SORBS2: variants seen among roughly 807,000 people sequenced by gnomAD.
SORBS2 encodes the protein sorbin and SH3 domain containing 2.
A neutral mutation model predicts 97.7 loss-of-function variants in SORBS2; 46 were observed. That is an observed-to-expected ratio of 0.47 (90% CI 0.37 to 0.60). SORBS2 has a LOEUF of 0.60. Ranked by LOEUF, SORBS2 falls within the 20% of genes least tolerant of loss-of-function variation. The pLI is 0.00. For missense variants in SORBS2, 1,316 were observed against 1,282.3 expected, an observed-to-expected ratio of 1.03 and a Z score of -0.40; for synonymous variants, 476 against 473.4, an observed-to-expected ratio of 1.01 and a Z score of -0.07.
At chr4:185,901,204 A>T (rs2099247557) in intron 1 of SORBS2, among the ~76,000 whole-genome samples, 2 of 148,268 alleles carry the variant, frequency 1.3e-5, no homozygotes, top group South Asian at 2.1e-4. Flanking sequence ...TTGAAGAAGA[A>T]TTTTTTTTTT....
At chr4:185,730,310 C>CTTTTT (rs67749971) in intron 2 of SORBS2, among the ~76,000 whole-genome samples, 2 of 125,284 alleles carry the variant, frequency 1.6e-5, no homozygotes, top group African/African-American at 6.1e-5. Flanking sequence ...AATATACTTT[C>CTTTTT]TTTTTTTTTT....
At chr4:185,585,701 G>A (rs1206969832) in exon 15 of SORBS2, 1 of 152,200 alleles carries the variant, frequency 6.6e-6, no homozygotes, top group Non-Finnish European at 1.5e-5. Flanking sequence ...AGATATTGAA[G>A]TCTTTTCTCA....
At chr4:185,609,485 G>A (rs966775062) in intron 12 of SORBS2, among the ~76,000 whole-genome samples, 3 of 152,160 alleles carry the variant, frequency 2.0e-5, no homozygotes, top group African/African-American at 7.2e-5. Flanking sequence ...ATACATGTCA[G>A]CAGGTTAAAC....
chr4:185,726,912 C>T (rs1020761225), intron 2 of SORBS2, among the ~76,000 whole-genome samples: 2 of 152,112 alleles, frequency 1.3e-5, no homozygotes, highest in African/African-American at 4.8e-5. Flanking sequence ...ATAGGAGACA[C>T]ATTTCTGGAA....
chr4:185,652,268 T>G (rs1257568435), intron 2 of SORBS2, among the ~76,000 whole-genome samples: 5 of 152,208 alleles, frequency 3.3e-5, no homozygotes, highest in African/African-American at 1.2e-4. Context: ...TACTAAGTGC[T>G]TTAGTGGTCT....
intron 1 of SORBS2, among the ~76,000 whole-genome samples, chr4:185,847,960 G>T (rs974812135): frequency 6.6e-6 from 1 of 152,146 alleles, no homozygotes; most frequent in African/African-American, 2.4e-5. Flanking sequence ...ATGCCGAGTC[G>T]CAGGGCTGAC....
intron 1 of SORBS2, among the ~76,000 whole-genome samples, chr4:185,954,931 A>C (rs1374990299): frequency 6.6e-6 from 1 of 152,228 alleles, no homozygotes; most frequent in Non-Finnish European, 1.5e-5. Context: ...CAGCCTGGCC[A>C]ACATGAGTAA....
intron 1 of SORBS2, among the ~76,000 whole-genome samples, chr4:185,800,174 G>T (rs2099123434): frequency 1.3e-5 from 2 of 152,116 alleles, no homozygotes; most frequent in Non-Finnish European, 2.9e-5. Flanking sequence ...CAGCCTGGAT[G>T]ACAGAGCAAG....
intron 1 of SORBS2, among the ~76,000 whole-genome samples, chr4:185,792,218 G>A (rs566254596): frequency 8.5e-5 from 13 of 152,230 alleles, no homozygotes; most frequent in African/African-American, 2.9e-4. Flanking sequence ...AATATGGGAC[G>A]GCGTGGTGGC....
At chr4:185,837,432 G>A (rs2099208694) in intron 1 of SORBS2, among the ~76,000 whole-genome samples, 1 of 152,146 alleles carries the variant, frequency 6.6e-6, no homozygotes, top group Admixed American at 6.6e-5. Flanking sequence ...TAAAATGCTT[G>A]TATTTAATAG....
chr4:185,868,976 A>G (rs2099228882), intron 1 of SORBS2, among the ~76,000 whole-genome samples: 2 of 152,230 alleles, frequency 1.3e-5, no homozygotes, highest in African/African-American at 2.4e-5. Context: ...TATGGAGCAT[A>G]TGAGAAATAC....
chr4:185,649,512 G>C lies in SORBS2; in HGVS notation c.236C>G (p.Pro79Arg). ...TCTTGGTCGAAGCGGCGGGACTGGAGGTGGAACATGTGGGGGAGGCACTGG... is the reference window on the plus strand; with the variant it reads ...TCTTGGTCGAAGCGGCGGGACTGGACGTGGAACATGTGGGGGAGGCACTGG... The change falls in exon 3 of 15, where the codon CCT (proline) becomes CGT (arginine). Residue 79 changes from proline (P) to arginine (R), a missense_variant. Pro to Arg is a moderately radical substitution (Grantham distance 103). Coordinates refer to ENST00000418609, the Ensembl canonical transcript of SORBS2. 5 of 1,603,098 alleles carry C rather than the reference G, an allele frequency of 3.1e-6. No individual in the cohort carries two copies. In the South Asian group the frequency reaches 5.6e-5, roughly 18 times the overall value.
At chr4:185,682,859 C>T (rs1017979782) in intron 2 of SORBS2, among the ~76,000 whole-genome samples, 2 of 151,472 alleles carry the variant, frequency 1.3e-5, no homozygotes, top group Admixed American at 1.3e-4. Flanking sequence ...AAAAAAAATA[C>T]AAAAATTAGC....
At chr4:185,948,280 T>C (rs541905751) in intron 1 of SORBS2, among the ~76,000 whole-genome samples, 84 of 152,256 alleles carry the variant, frequency 5.5e-4, no homozygotes, top group African/African-American at 1.9e-3. Context: ...ATAGCATCTT[T>C]TCAGGCATTT....
At chr4:185,928,695 G>A (rs965990138) in intron 1 of SORBS2, among the ~76,000 whole-genome samples, 2 of 152,050 alleles carry the variant, frequency 1.3e-5, no homozygotes, top group Non-Finnish European at 2.9e-5. Context: ...ACAGGCGCCT[G>A]CCACCACGCC....
At chr4:185,741,318 T>G (rs1200492167) in intron 2 of SORBS2, among the ~76,000 whole-genome samples, 1 of 151,618 alleles carries the variant, frequency 6.6e-6, no homozygotes, top group Non-Finnish European at 1.5e-5. Context: ...TTTTTCTTCT[T>G]CAGTCCTGCA....
intron 1 of SORBS2, among the ~76,000 whole-genome samples, chr4:185,838,945 T>C (rs963038862): frequency 2.0e-5 from 3 of 152,166 alleles, no homozygotes; most frequent in Admixed American, 6.5e-5. Context: ...TTTATTTCTA[T>C]GTTGTTTCTT....
At chr4:185,697,760 A>C (rs1270163751) in intron 2 of SORBS2, among the ~76,000 whole-genome samples, 3 of 152,200 alleles carry the variant, frequency 2.0e-5, no homozygotes, top group Non-Finnish European at 4.4e-5. Flanking sequence ...TAATTCAATA[A>C]GGGAAAGTGC....
At chr4:185,713,252 C>T (rs2098438892) in intron 2 of SORBS2, among the ~76,000 whole-genome samples, 1 of 152,200 alleles carries the variant, frequency 6.6e-6, no homozygotes, top group African/African-American at 2.4e-5. Flanking sequence ...TCCCTGGAGC[C>T]CCAGGTCTCT....
Sources: allele counts gnomAD v4.1 joint callset (sites outside exome capture counted in the v4.1 genomes callset), GRCh38; gene constraint gnomAD v4.1.1; transcripts MANE v1.5; gene names NCBI Gene and HGNC (gene_info 2026-07-23, HGNC 2026-07-21).